ALDH18A1: variants seen among roughly 807,000 people sequenced by gnomAD.
ALDH18A1 encodes the protein aldehyde dehydrogenase 18 family member A1.
In ALDH18A1, 44 loss-of-function variants were observed where a neutral mutation model predicts 88.8. The observed-to-expected ratio is 0.50, with a 90% confidence interval of 0.39 to 0.64. The LOEUF (loss-of-function observed/expected upper bound fraction) is 0.64, where lower values mean the gene tolerates loss of function less well. ALDH18A1 is among the 30% of genes least tolerant of loss of function. The pLI is 0.00. For missense variants in ALDH18A1, 782 were observed against 1,009.5 expected (o/e 0.77, Z 3.05); for synonymous variants, 331 against 372.1 (o/e 0.89, Z 1.27).
chr10:95,639,888 G>C (rs1305870022), intron 3 of ALDH18A1, among the ~76,000 whole-genome samples: 2 of 147,754 alleles, frequency 1.4e-5, no homozygotes, highest in Non-Finnish European at 3.0e-5. Flanking sequence ...ACTGCTCTTT[G>C]TATACCCTAT....
At chr10:95,625,877 A>T (rs568827575) in intron 10 of ALDH18A1, among the ~76,000 whole-genome samples, 2 of 152,100 alleles carry the variant, frequency 1.3e-5, no homozygotes, top group Non-Finnish European at 2.9e-5. Flanking sequence ...ATAGAGTCTT[A>T]CATATTTAAT....
chr10:95,633,812 CTTTTTT>C (rs869056809), intron 5 of ALDH18A1, among the ~76,000 whole-genome samples, 163 bp from the exon 6 acceptor site: 1 of 103,274 alleles, frequency 9.7e-6, no homozygotes. Context: ...CTATCCAATT[CTTTTTT>C]TTTTTTTTTT....
intron 9 of ALDH18A1, 75 bp from the exon 10 acceptor site, chr10:95,626,851 T>G: frequency 6.8e-7 from 1 of 1,469,506 alleles, no homozygotes; most frequent in Non-Finnish European, 9.5e-7. Flanking sequence ...GAGAGAGAAC[T>G]ACCAGCACAT....
chr10:95,636,811 T>G (rs1487841433), intron 5 of ALDH18A1, among the ~76,000 whole-genome samples: 3 of 152,244 alleles, frequency 2.0e-5, no homozygotes, highest in African/African-American at 7.2e-5. Flanking sequence ...TAACAAGAAC[T>G]GATATTTACT....
At chr10:95,648,747 T>C (rs1250104578) in intron 2 of ALDH18A1, among the ~76,000 whole-genome samples, 1 of 152,144 alleles carries the variant, frequency 6.6e-6, no homozygotes, top group Non-Finnish European at 1.5e-5. Flanking sequence ...GGAATGTACA[T>C]GATGTATCAT....
chr10:95,623,523 T>A (rs1273249359), intron 11 of ALDH18A1, among the ~76,000 whole-genome samples: 3 of 152,094 alleles, frequency 2.0e-5, no homozygotes, highest in Admixed American at 2.0e-4. Flanking sequence ...TTCTCCTGCC[T>A]CAGCTGCCTG....
At chr10:95,617,392 C>T (rs566976572) in intron 12 of ALDH18A1, among the ~76,000 whole-genome samples, 1 of 152,376 alleles carries the variant, frequency 6.6e-6, no homozygotes, top group South Asian at 2.1e-4. Flanking sequence ...CTCCTCTGGC[C>T]ACATCCTACT....
intron 7 of ALDH18A1, among the ~76,000 whole-genome samples, chr10:95,630,427 G>A (rs1234475320): frequency 1.3e-5 from 2 of 152,224 alleles, no homozygotes. Context: ...AAAACCTGCT[G>A]ATTGGCCAGG....
intron 11 of ALDH18A1, among the ~76,000 whole-genome samples, chr10:95,622,195 T>C (rs1247816806): frequency 1.3e-5 from 2 of 152,134 alleles, no homozygotes; most frequent in Non-Finnish European, 2.9e-5. Flanking sequence ...AAAAGAAAAC[T>C]TTTTTCCTTT....
intron 5 of ALDH18A1, among the ~76,000 whole-genome samples, chr10:95,636,293 T>C (rs2097880534): frequency 6.6e-6 from 1 of 152,242 alleles, no homozygotes; most frequent in African/African-American, 2.4e-5. Context: ...CTATTTTACA[T>C]CTTTACAGGT....
At chr10:95,637,971 AAC>A (rs2097884150) in intron 3 of ALDH18A1, among the ~76,000 whole-genome samples, 1 of 15,706 alleles carries the variant, frequency 6.4e-5, no homozygotes, top group African/African-American at 5.8e-4. Context: ...TCTCAAAAAC[AAC>A]AACAACAACA....
intron 15 of ALDH18A1, among the ~76,000 whole-genome samples, chr10:95,612,111 C>T (rs2097836028): frequency 6.6e-6 from 1 of 152,202 alleles, no homozygotes; most frequent in Non-Finnish European, 1.5e-5. Flanking sequence ...AGGCACTAGA[C>T]TCGTGTGGAA....
intron 2 of ALDH18A1, among the ~76,000 whole-genome samples, chr10:95,643,796 T>C (rs2097896259): frequency 6.6e-6 from 1 of 152,218 alleles, no homozygotes; most frequent in Non-Finnish European, 1.5e-5. Context: ...TGCATTTTTT[T>C]TTCATAATCA....
rs2097833903 is a variant in ALDH18A1, at chr10:95,611,302, G to A, written c.2064C>T (p.Ile688=). 6 of 1,614,064 alleles carry A rather than the reference G, an allele frequency of 3.7e-6. No individual in the cohort carries two copies. Among genetic ancestry groups the A allele is most frequent in the African/African-American group, 1.3e-5 (1 of 74,930 alleles). ...CCGTGTGGGAGCTGCCATACTTGTG[G>A]ATGTGGTCAATGGCATCCTGAACGT... ...VDNVQDAIDH[I]HKYGSSHTDV... is the part of the protein sequence containing the mutation. The change falls in exon 16 of 18, where the codon ATC becomes ATT. Residue 688 remains isoleucine, a synonymous_variant. Coordinates refer to ENST00000371224, the MANE Select transcript of ALDH18A1 (RefSeq NM_002860.4).
intron 12 of ALDH18A1, 70 bp from the exon 13 acceptor site, chr10:95,616,684 A>T: frequency 6.5e-7 from 1 of 1,546,582 alleles, no homozygotes; most frequent in Non-Finnish European, 8.8e-7. Flanking sequence ...GTTAGCATTC[A>T]CAAGCACTCC....
In ALDH18A1 at chr10:95,606,192, T is replaced by C; in HGVS notation, c.*570A>G. 1.0e-6 allele frequency: 1 copy of C among 957,492 alleles called. No individual in the cohort carries two copies. The highest frequency in any genetic ancestry group is 4.7e-5 in the South Asian group (1 of 21,386). The allele number at this position is 957,492 out of a possible 1,614,324, so 59.3% of individuals were successfully genotyped here. A position where few individuals can be genotyped will look rare whatever the true frequency, so the allele number is the denominator to read the frequency against. ...TCCTGGATGCAGGAAGCTGCAAGCA[T>C]CTGGAATGCTTATTAATTTACCCCA... On this transcript the variant is annotated 3_prime_UTR_variant, in exon 18 of 18. Coordinates refer to ENST00000371224, the MANE Select transcript of ALDH18A1 (RefSeq NM_002860.4).
chr10:95,653,687 C>T (rs2139671144), intron 1 of ALDH18A1, among the ~76,000 whole-genome samples: 1 of 152,160 alleles, frequency 6.6e-6, no homozygotes, highest in Admixed American at 6.5e-5. Context: ...TGGTATCTTC[C>T]AAATTTAAAA....
intron 6 of ALDH18A1, 26 bp from the exon 7 acceptor site, chr10:95,633,075 A>G (rs1314044080): frequency 6.3e-7 from 1 of 1,584,362 alleles, no homozygotes; most frequent in Non-Finnish European, 8.7e-7. Flanking sequence ...AAAAGTCATA[A>G]GTGAGTGAGC....
chr10:95,615,086 G>A (rs1046343124), intron 13 of ALDH18A1, among the ~76,000 whole-genome samples: 8 of 152,262 alleles, frequency 5.3e-5, no homozygotes, highest in Admixed American at 1.3e-4. Context: ...ACTTTGGGAG[G>A]CTGAGGCAGG....
Sources: allele counts gnomAD v4.1 joint callset (sites outside exome capture counted in the v4.1 genomes callset), GRCh38; gene constraint gnomAD v4.1.1; transcripts MANE v1.5; gene names NCBI Gene and HGNC (gene_info 2026-07-23, HGNC 2026-07-21).